PHACTR1: variants seen among roughly 807,000 people sequenced by gnomAD.
The protein encoded by PHACTR1 is phosphatase and actin regulator 1.
In PHACTR1, 16 loss-of-function variants were observed where a neutral mutation model predicts 69.2. The observed-to-expected ratio is 0.23, with a 90% CI of 0.16 to 0.35. The LOEUF is 0.35. PHACTR1 is among the 10% of genes least tolerant of loss of function. The pLI is 1.00. For synonymous variants in PHACTR1, 312 were observed against 284.5 expected, an observed-to-expected ratio of 1.10 and a Z score of -0.97; for missense variants, 510 against 734.7, an observed-to-expected ratio of 0.69 and a Z score of 3.54.
rs115038539 is a variant in PHACTR1 at position 12,907,232 on chromosome 6, A to G, written c.251-146133A>G. Among the ~76,000 whole-genome samples the G allele has an allele frequency of 8.8e-3, 1,333 of 152,326 alleles. 27 individuals are homozygous for G. The highest frequency in any genetic ancestry group is 0.03 in the African/African-American group (1,243 of 41,574). On this transcript the variant is annotated intron_variant, in intron 4 of 14. Coordinates refer to ENST00000332995, the MANE Select transcript of PHACTR1 (RefSeq NM_030948.6). ...GTCAACTGTCTGGGCAACTCTTAGA[A>G]GCTCATATTACTAGTGCATCAGAAA...
intron 4 of PHACTR1, among the ~76,000 whole-genome samples, chr6:12,840,302 A>G (rs920406106): frequency 3.4e-5 from 5 of 144,992 alleles, no homozygotes; most frequent in African/African-American, 8.0e-5. Context: ...ATGGATCTTT[A>G]TAGAATTCAT....
chr6:12,719,341 A>T (rs1761808881), intron 3 of PHACTR1, among the ~76,000 whole-genome samples: 1 of 152,188 alleles, frequency 6.6e-6, no homozygotes, highest in Non-Finnish European at 1.5e-5. Flanking sequence ...ACATTCAGGG[A>T]GCAAGCCTCT....
Position 13,283,903 on chromosome 6 carries a change from G to A in PHACTR1, c.1650+341G>A, listed in dbSNP as rs1780877546. 1.0e-5 allele frequency: 3 copies of A among 300,684 alleles called. No individual in the cohort carries two copies. In the South Asian group the frequency reaches 1.2e-4, roughly 12 times the overall value. The allele number at this position is 300,684 out of a possible 1,614,324, so 18.6% of individuals were successfully genotyped here. ...CTCATCACAGCCCTTCCGTATAGGG[G>A]ATGGTGCTGCCGGCATCCAACGAGG... On this transcript the variant is annotated intron_variant, in intron 13 of 14. Coordinates refer to ENST00000332995, the MANE Select transcript of PHACTR1 (RefSeq NM_030948.6). The surrounding 1 kb of genome is among the most constrained non-coding windows in gnomAD (Gnocchi z 4.7).
At chr6:12,825,358 G>C (rs547336540) in intron 4 of PHACTR1, among the ~76,000 whole-genome samples, 3 of 152,050 alleles carry the variant, frequency 2.0e-5, no homozygotes, top group Admixed American at 6.5e-5. Flanking sequence ...GGGGCACATG[G>C]TGACACTTAA....
intron 5 of PHACTR1, among the ~76,000 whole-genome samples, chr6:13,157,975 G>A (rs576895249): frequency 1.2e-4 from 18 of 152,050 alleles, no homozygotes; most frequent in African/African-American, 4.3e-4. Flanking sequence ...TCTGCCTCCC[G>A]GGTTCAAGCA....
At chr6:12,760,506 G>A (rs1165765591) in intron 4 of PHACTR1, among the ~76,000 whole-genome samples, 1 of 152,098 alleles carries the variant, frequency 6.6e-6, no homozygotes, top group African/African-American at 2.4e-5. Flanking sequence ...TGTTGTGTGG[G>A]GAGGGAAACA....
chr6:13,215,826 A>G (rs4715166), intron 8 of PHACTR1, among the ~76,000 whole-genome samples: 87,860 of 152,008 alleles, frequency 0.58, 26,784 homozygotes, highest in Admixed American at 0.68. Context: ...GGCATAGTCA[A>G]TGTACATCTG....
At chr6:13,254,990 C>T (rs578068895) in intron 10 of PHACTR1, among the ~76,000 whole-genome samples, 1 of 152,324 alleles carries the variant, frequency 6.6e-6, no homozygotes, top group East Asian at 1.9e-4. Flanking sequence ...TTAGTCCATT[C>T]CTGCACTGCT....
chr6:12,877,870 G>A (rs1782697508), intron 4 of PHACTR1, among the ~76,000 whole-genome samples: 1 of 152,160 alleles, frequency 6.6e-6, no homozygotes, highest in Non-Finnish European at 1.5e-5. Flanking sequence ...GGAGTTTAAT[G>A]GAATTTTCTC....
At chr6:13,060,714 G>A (rs1807548303) in intron 5 of PHACTR1, among the ~76,000 whole-genome samples, 1 of 152,160 alleles carries the variant, frequency 6.6e-6, no homozygotes, top group African/African-American at 2.4e-5. Context: ...CTAACAGGGA[G>A]AGGAGGAGAA....
At chr6:13,127,960 A>G (rs950314925) in intron 5 of PHACTR1, among the ~76,000 whole-genome samples, 2 of 151,940 alleles carry the variant, frequency 1.3e-5, no homozygotes, top group African/African-American at 4.8e-5. Context: ...ACTTACAATC[A>G]TGGCGGAAGG....
chr6:13,193,369 A>G (rs887942875), intron 7 of PHACTR1, among the ~76,000 whole-genome samples: 1 of 105,166 alleles, frequency 9.5e-6, no homozygotes, highest in Non-Finnish European at 1.9e-5. Context: ...ATATATATAT[A>G]TATATATATA....
chr6:13,232,500 C>G (rs1466112716), intron 10 of PHACTR1, among the ~76,000 whole-genome samples: 7 of 152,320 alleles, frequency 4.6e-5, no homozygotes, highest in South Asian at 2.1e-4. Flanking sequence ...AGTAACATGG[C>G]CTTCTCTTTT....
chr6:12,838,789 C>T (rs2127739362), intron 4 of PHACTR1, among the ~76,000 whole-genome samples: 1 of 152,284 alleles, frequency 6.6e-6, no homozygotes, highest in Non-Finnish European at 1.5e-5. Flanking sequence ...ATAACCCCAA[C>T]CCCCACATGA....
At chr6:12,723,052 G>A (rs1332970550) in intron 3 of PHACTR1, among the ~76,000 whole-genome samples, 1 of 152,158 alleles carries the variant, frequency 6.6e-6, no homozygotes, top group Non-Finnish European at 1.5e-5. Flanking sequence ...TGAACTTGAA[G>A]AGAAGACATA....
chr6:13,038,245 A>G (rs946801216), intron 4 of PHACTR1, among the ~76,000 whole-genome samples: 2 of 152,214 alleles, frequency 1.3e-5, no homozygotes, highest in African/African-American at 2.4e-5. Context: ...GGTGTTACAC[A>G]GCTAGTAAGA....
At chr6:12,826,163 G>T (rs1424682175) in intron 4 of PHACTR1, among the ~76,000 whole-genome samples, 2 of 152,074 alleles carry the variant, frequency 1.3e-5, no homozygotes, top group East Asian at 1.9e-4. Flanking sequence ...CCAATAGAGG[G>T]TATATTTAAT....
chr6:12,759,349 C>G (rs1767763198), intron 4 of PHACTR1, among the ~76,000 whole-genome samples: 1 of 151,764 alleles, frequency 6.6e-6, no homozygotes, highest in Non-Finnish European at 1.5e-5. Context: ...GAATTATGAC[C>G]TACCTAAATG....
chr6:12,789,331 C>G (rs912897120), intron 4 of PHACTR1, among the ~76,000 whole-genome samples: 1 of 152,096 alleles, frequency 6.6e-6, no homozygotes, highest in Admixed American at 6.6e-5. Flanking sequence ...TAGATTCTCT[C>G]AAGCCATCGA....
Sources: allele counts gnomAD v4.1 joint callset (sites outside exome capture counted in the v4.1 genomes callset), GRCh38; gene constraint gnomAD v4.1.1; non-coding constraint Gnocchi (gnomAD v3.1); transcripts MANE v1.5; gene names NCBI Gene and HGNC (gene_info 2026-07-23, HGNC 2026-07-21).